TEAD1: variants seen among roughly 807,000 people sequenced by gnomAD.
TEAD1 encodes the protein TEA domain transcription factor 1, also known as transcriptional enhancer factor TEF-1.
TEAD1 carries 9 observed loss-of-function variants against 54.9 expected under a neutral mutation model. The ratio of observed to expected loss-of-function variants is 0.16; its 90% CI spans 0.10 to 0.29. The LOEUF is 0.29. TEAD1 is among the 10% of genes least tolerant of loss of function. TEAD1 has a pLI of 1.00. For synonymous variants in TEAD1, 200 were observed against 187.8 expected, an observed-to-expected ratio of 1.07 and a Z score of -0.53; for missense variants, 387 against 535.9, an observed-to-expected ratio of 0.72 and a Z score of 2.74.
At chr11:12,866,361 G>A (rs1947617099) in intron 5 of TEAD1, among the ~76,000 whole-genome samples, 1 of 152,158 alleles carries the variant, frequency 6.6e-6, no homozygotes, top group Non-Finnish European at 1.5e-5. Context: ...TGTGGTTCCT[G>A]TGGACTCACC....
chr11:12,876,268 C>T (rs1051735529), intron 5 of TEAD1, among the ~76,000 whole-genome samples: 1 of 152,002 alleles, frequency 6.6e-6, no homozygotes, highest in Admixed American at 6.5e-5. Flanking sequence ...ATTTCCGTTT[C>T]AAAAAAGAAT....
chr11:12,885,328 C>T (rs920457926), intron 9 of TEAD1, among the ~76,000 whole-genome samples: 24 of 151,036 alleles, frequency 1.6e-4, no homozygotes, highest in African/African-American at 3.7e-4. Context: ...CTCTGCCTCC[C>T]GGGTTCACGC....
At chr11:12,728,095 A>C (rs1380861737) in intron 2 of TEAD1, among the ~76,000 whole-genome samples, 6 of 152,158 alleles carry the variant, frequency 3.9e-5, no homozygotes, top group Admixed American at 6.5e-5. Context: ...GACAGAATGC[A>C]GTGTGACCAA....
At chr11:12,926,550 A>C (rs1214577141) in intron 11 of TEAD1, among the ~76,000 whole-genome samples, 1 of 152,198 alleles carries the variant, frequency 6.6e-6, no homozygotes, top group African/African-American at 2.4e-5. Context: ...TAAGGTGTTC[A>C]AGAGGAAATA....
chr11:12,932,392 T>C (rs1949026480), intron 12 of TEAD1, among the ~76,000 whole-genome samples: 1 of 151,308 alleles, frequency 6.6e-6, no homozygotes, highest in Admixed American at 6.6e-5. Context: ...AAACTCTGAA[T>C]GAATGGCTTC....
At chr11:12,891,365 A>G (rs1948194049) in intron 9 of TEAD1, among the ~76,000 whole-genome samples, 1 of 152,218 alleles carries the variant, frequency 6.6e-6, no homozygotes, top group Admixed American at 6.5e-5. Context: ...GGGCTGGAGG[A>G]AACTATACTG....
intron 2 of TEAD1, among the ~76,000 whole-genome samples, chr11:12,688,781 C>T (rs145699623): frequency 3.3e-5 from 5 of 152,222 alleles, no homozygotes; most frequent in African/African-American, 9.6e-5. Flanking sequence ...TGAAATATAG[C>T]GAATGACCCA....
intron 10 of TEAD1, among the ~76,000 whole-genome samples, chr11:12,916,234 C>T (rs1305078865): frequency 6.6e-6 from 1 of 152,060 alleles, no homozygotes; most frequent in South Asian, 2.1e-4. Flanking sequence ...CTGTTATACT[C>T]AATACGTAAG....
At position 12,803,423 on chromosome 11, in the gene TEAD1, T is replaced by C. The variant is rs138360312; in HGVS notation, c.202+38989T>C. Among the ~76,000 whole-genome samples, 416 of 152,334 alleles carry C rather than the reference T, an allele frequency of 2.7e-3. 2 individuals carry two copies. The highest frequency in any genetic ancestry group is 0.017 in the Middle Eastern group (5 of 294). On this transcript the variant is annotated intron_variant, in intron 3 of 12. Coordinates refer to ENST00000527636, the MANE Select transcript of TEAD1 (RefSeq NM_021961.6). Reference sequence around the variant, plus strand: ...TCTCTTTCTTGGTTTAAGTTCATTGTTTGTGGGAAGAAGGCAACTTCAGGT... The same window carrying C: ...TCTCTTTCTTGGTTTAAGTTCATTGCTTGTGGGAAGAAGGCAACTTCAGGT...
chr11:12,724,292 G>C (rs1287644806), intron 2 of TEAD1, among the ~76,000 whole-genome samples: 1 of 152,106 alleles, frequency 6.6e-6, no homozygotes, highest in Non-Finnish European at 1.5e-5. Context: ...AGAATAACTG[G>C]GTCTATGTAC....
chr11:12,878,335 G>T (rs1947898540), intron 5 of TEAD1, among the ~76,000 whole-genome samples: 1 of 152,012 alleles, frequency 6.6e-6, no homozygotes, highest in Non-Finnish European at 1.5e-5. Context: ...ATCACCTTTG[G>T]TTATATCAGT....
At chr11:12,910,747 C>CTTTT (rs5789752) in intron 10 of TEAD1, among the ~76,000 whole-genome samples, 2 of 119,932 alleles carry the variant, frequency 1.7e-5, no homozygotes, top group African/African-American at 3.2e-5. Context: ...ACTTAATTTG[C>CTTTT]TTTTTTTTTT....
chr11:12,848,560 T>C (rs1590209373), intron 3 of TEAD1, among the ~76,000 whole-genome samples: 1 of 152,300 alleles, frequency 6.6e-6, no homozygotes, highest in East Asian at 1.9e-4. Flanking sequence ...TGGGCAAGTT[T>C]CTTAACTTCT....
At chr11:12,715,708 A>AAAAAAGAT (rs1221357636) in intron 2 of TEAD1, among the ~76,000 whole-genome samples, 4 of 152,176 alleles carry the variant, frequency 2.6e-5, no homozygotes, top group South Asian at 2.1e-4. Flanking sequence ...ATCAGATTAA[A>AAAAAAGAT]AAAAAGATGC....
chr11:12,856,393 G>T (rs1291282012), intron 3 of TEAD1, among the ~76,000 whole-genome samples: 2 of 152,166 alleles, frequency 1.3e-5, no homozygotes, highest in East Asian at 3.9e-4. Context: ...CCAGGTCAAA[G>T]GCTGTGAATG....
At chr11:12,864,970 T>C (rs1390295256) in intron 5 of TEAD1, 70 bp downstream of exon 5, 1 of 1,535,126 alleles carries the variant, frequency 6.5e-7, no homozygotes, top group Non-Finnish European at 9.0e-7. Flanking sequence ...TGGTGACTGG[T>C]GAATGCCTGG....
intron 3 of TEAD1, among the ~76,000 whole-genome samples, chr11:12,846,383 A>G (rs1415876437): frequency 3.9e-5 from 6 of 152,180 alleles, no homozygotes; most frequent in Non-Finnish European, 7.3e-5. Flanking sequence ...AAACTGCTTA[A>G]GCGGTTGTTG....
At chr11:12,857,635 G>GGACT (rs1947418038) in intron 3 of TEAD1, among the ~76,000 whole-genome samples, 1 of 145,870 alleles carries the variant, frequency 6.9e-6, no homozygotes, top group Admixed American at 6.8e-5. Context: ...GGCTGCAACA[G>GGACT]GACTATGCTG....
intron 10 of TEAD1, among the ~76,000 whole-genome samples, chr11:12,912,419 A>T (rs1948633037): frequency 6.6e-6 from 1 of 152,168 alleles, no homozygotes; most frequent in Non-Finnish European, 1.5e-5. Context: ...ATTTAAACAG[A>T]ATCTTGATAG....
Sources: allele counts gnomAD v4.1 joint callset (sites outside exome capture counted in the v4.1 genomes callset), GRCh38; gene constraint gnomAD v4.1.1; transcripts MANE v1.5; gene names NCBI Gene and HGNC (gene_info 2026-07-23, HGNC 2026-07-21).